The following FOXJ3 variants were observed in gnomAD, a reference collection of about 807,000 sequenced individuals.
FOXJ3 encodes the protein forkhead box protein J3.
FOXJ3 carries 22 observed loss-of-function variants against 76.1 expected under a neutral mutation model. That is an observed-to-expected ratio of 0.29 (90% CI 0.21 to 0.41). FOXJ3 has a LOEUF of 0.41. Ranked by LOEUF, FOXJ3 falls within the 10% of genes least tolerant of loss-of-function variation. FOXJ3 has a pLI of 1.00. For synonymous variants in FOXJ3, 269 were observed against 261.2 expected (o/e 1.03, Z -0.29); for missense variants, 613 against 762.1 (o/e 0.80, Z 2.30).
At chr1:42,267,314 A>G (rs749858284) in intron 3 of FOXJ3, among the ~76,000 whole-genome samples, 1 of 152,090 alleles carries the variant, frequency 6.6e-6, no homozygotes, top group African/African-American at 2.4e-5. Context: ...AAATCTAAAG[A>G]GATGAAAAAA....
rs1453730153 is a variant in FOXJ3 at position 42,335,164 on chromosome 1, C to G, written c.-123G>C. On this transcript the variant is annotated 5_prime_UTR_variant, in exon 1 of 13. Transcript: ENST00000361346. ...CGGTGCCTACTGCGAGCGGTCGAGG[C>G]CCCGAGCAGCCCCGAGAGCGGCGGC... 1 of 152,160 alleles carries G rather than the reference C, an allele frequency of 6.6e-6. No homozygotes were observed. The highest frequency in any genetic ancestry group is 1.5e-5 in the Non-Finnish European group (1 of 68,062). The allele number at this position is 152,160 out of a possible 1,614,324, so 9.4% of individuals were successfully genotyped here.
intron 2 of FOXJ3, among the ~76,000 whole-genome samples, chr1:42,289,480 T>C (rs1160161747): frequency 6.6e-6 from 1 of 152,152 alleles, no homozygotes; most frequent in African/African-American, 2.4e-5. Context: ...TCAATTTTGT[T>C]AGAAACACTT....
chr1:42,303,075 C>T (rs185992009), intron 2 of FOXJ3, among the ~76,000 whole-genome samples: 20 of 151,924 alleles, frequency 1.3e-4, no homozygotes, highest in African/African-American at 4.3e-4. Flanking sequence ...TTTTATAGTA[C>T]CCTCAATTAA....
At position 42,212,967 on chromosome 1, in the gene FOXJ3, AAAAAC is replaced by A. The variant is rs1300600932; in HGVS notation, c.529-7109_529-7105del. Among the ~76,000 whole-genome samples, 574 of 144,860 alleles carry A rather than the reference AAAAAC, an allele frequency of 4.0e-3. 15 individuals carry two copies. Among genetic ancestry groups the A allele is most frequent in the African/African-American group, 0.015 (554 of 36,208 alleles). On this transcript the variant is annotated intron_variant, in intron 5 of 12. Transcript: ENST00000361346. ...GAATTTTGTATCTAGCAAAAAAAAA[AAAAAC>A]AAAAAAAAAACTAAGTTTCATAAGT...
At chr1:42,311,650 A>AAAGTAGTGGTAGT in intron 1 of FOXJ3, among the ~76,000 whole-genome samples, 1 of 149,508 alleles carries the variant, frequency 6.7e-6, no homozygotes, top group Admixed American at 6.7e-5. Flanking sequence ...TTTAAAAAAA[A>AAAGTAGTGGTAGT]AGTAGTAGTA....
At chr1:42,253,927 C>G (rs1650340038) in intron 4 of FOXJ3, among the ~76,000 whole-genome samples, 2 of 151,558 alleles carry the variant, frequency 1.3e-5, no homozygotes, top group African/African-American at 4.8e-5. Flanking sequence ...TCTAAAACAC[C>G]AAAAGCAATG....
At chr1:42,315,058 C>G (rs1006036427) in intron 1 of FOXJ3, among the ~76,000 whole-genome samples, 1 of 152,190 alleles carries the variant, frequency 6.6e-6, no homozygotes, top group Non-Finnish European at 1.5e-5. Flanking sequence ...CCTTGAAAGC[C>G]TCATGCTAAG....
intron 3 of FOXJ3, among the ~76,000 whole-genome samples, chr1:42,265,949 T>A (rs891633279): frequency 6.6e-6 from 1 of 152,174 alleles, no homozygotes; most frequent in Non-Finnish European, 1.5e-5. Context: ...TAGGTAGGAC[T>A]GTACCCCAAT....
At chr1:42,331,264 C>A (rs959373812) in intron 1 of FOXJ3, among the ~76,000 whole-genome samples, 6 of 152,026 alleles carry the variant, frequency 3.9e-5, no homozygotes, top group African/African-American at 1.5e-4. Context: ...CGCCTGTAAT[C>A]CCAGCTACTG....
chr1:42,275,263 G>A (rs1652174433), intron 3 of FOXJ3, among the ~76,000 whole-genome samples: 1 of 152,136 alleles, frequency 6.6e-6, no homozygotes, highest in Admixed American at 6.5e-5. Context: ...TGTTGAAGTA[G>A]GAAGGCCTAA....
At chr1:42,249,614 A>T (rs772617507) in intron 4 of FOXJ3, among the ~76,000 whole-genome samples, 25 of 152,246 alleles carry the variant, frequency 1.6e-4, no homozygotes, top group Admixed American at 5.9e-4. Context: ...TTGAGAATAG[A>T]ACAGCGACTT....
At position 42,323,845 on chromosome 1, in the gene FOXJ3, C is replaced by T. The variant is rs190882582; in HGVS notation, c.-18+11214G>A. 4.1e-5 allele frequency: 9 copies of T among 218,738 alleles called. No individual in the cohort carries two copies. The East Asian group carries it at 1.7e-3, about 40-fold the overall frequency. 13.5% of individuals were successfully genotyped at this position (218,738 alleles called of 1,614,324 possible). On this transcript the variant is annotated intron_variant, in intron 1 of 12. Coordinates refer to ENST00000361346, the MANE Select transcript of FOXJ3 (RefSeq NM_014947.5). ...GGGAAGAACTAAGAAAAAAAGATGA[C>T]GTTAGATGCATATTTTGCCTCAATT...
rs144118440 is a variant in FOXJ3, at chr1:42,206,269, C to T, written c.529-406G>A. On this transcript the variant is annotated intron_variant, in intron 5 of 12. Transcript: ENST00000361346. The stretch of plus-strand genomic sequence containing the variant: ...GAAGCTGCCTGTGGCCATGTGACTA[C>T]GGTGTGACCAACAGGATGTGAGCAG... 3.3e-3 allele frequency among the ~76,000 whole-genome samples: 499 copies of T among 152,316 alleles called. 4 individuals carry two copies. Among genetic ancestry groups the T allele is most frequent in the African/African-American group, 0.011 (473 of 41,552 alleles).
At chr1:42,235,987 C>T (rs553398775) in intron 4 of FOXJ3, among the ~76,000 whole-genome samples, 28 of 152,232 alleles carry the variant, frequency 1.8e-4, no homozygotes, top group African/African-American at 6.7e-4. Context: ...CCACACCCGG[C>T]CATCTAAGAA....
At chr1:42,321,687 G>GT (rs1655436269) in intron 1 of FOXJ3, among the ~76,000 whole-genome samples, 1 of 152,134 alleles carries the variant, frequency 6.6e-6, no homozygotes, top group Non-Finnish European at 1.5e-5. Context: ...ATAAACGTGG[G>GT]TTTTTTAAAT....
chr1:42,290,071 T>C (rs935267390), intron 2 of FOXJ3, among the ~76,000 whole-genome samples: 1 of 152,140 alleles, frequency 6.6e-6, no homozygotes, highest in Non-Finnish European at 1.5e-5. Context: ...AAGGCTATGA[T>C]GTTTTAAGGA....
chr1:42,279,317 T>A (rs1209304673), intron 2 of FOXJ3, among the ~76,000 whole-genome samples: 3 of 151,946 alleles, frequency 2.0e-5, no homozygotes, highest in Non-Finnish European at 4.4e-5. Context: ...CACTGATGAG[T>A]GAGAGAAAAA....
chr1:42,185,784 T>C lies in FOXJ3; in HGVS notation c.1645+2953A>G, dbSNP rs1337558274. Among the ~76,000 whole-genome samples, 3 of 152,254 alleles carry C rather than the reference T, an allele frequency of 2.0e-5. No individual in the cohort carries two copies. The East Asian group carries it at 5.8e-4, about 29-fold the overall frequency. ...ACAGGTAAAAAGATTTAGGAAAAGA[T>C]GTCATAGACTGTGTTCTATAACAAC... On this transcript the variant is annotated intron_variant, in intron 11 of 12. Coordinates refer to ENST00000361346, the MANE Select transcript of FOXJ3 (RefSeq NM_014947.5).
chr1:42,228,167 T>G (rs1371406135), intron 4 of FOXJ3, among the ~76,000 whole-genome samples: 1 of 152,120 alleles, frequency 6.6e-6, no homozygotes, highest in Non-Finnish European at 1.5e-5. Flanking sequence ...AAGAAAACTT[T>G]CATAAACTGA....
Sources: allele counts gnomAD v4.1 joint callset (sites outside exome capture counted in the v4.1 genomes callset), GRCh38; gene constraint gnomAD v4.1.1; transcripts MANE v1.5; gene names NCBI Gene and HGNC (gene_info 2026-07-23, HGNC 2026-07-21).